NTNG1: variants seen among roughly 807,000 people sequenced by gnomAD.
NTNG1 encodes the protein netrin G1, also known as netrin-G1.
In NTNG1, 16 loss-of-function variants were observed where a neutral mutation model predicts 54.0. That is an observed-to-expected ratio of 0.30 (90% CI 0.20 to 0.45). The LOEUF (loss-of-function observed/expected upper bound fraction) is 0.45, where lower values mean the gene tolerates loss of function less well. Among genes scored for constraint, NTNG1 ranks in the 20% least tolerant of loss-of-function variants. NTNG1 has a pLI of 1.00. For missense variants in NTNG1, 530 were observed against 678.7 expected (o/e 0.78, Z 2.43); for synonymous variants, 255 against 263.1 (o/e 0.97, Z 0.30).
intron 3 of NTNG1, among the ~76,000 whole-genome samples, chr1:107,368,179 C>A (rs868782159): frequency 4.6e-5 from 7 of 152,120 alleles, no homozygotes; most frequent in Non-Finnish European, 5.9e-5. Flanking sequence ...ATCCTTATTA[C>A]CTCTGGTTCC....
At chr1:107,418,530 T>C in intron 5 of NTNG1, 3 of 1,324,666 alleles carry the variant, frequency 2.3e-6, no homozygotes, top group Non-Finnish European at 3.2e-6. Context: ...TTAGACCAAA[T>C]GACATTATAG....
chr1:107,480,589 TA>T, intron 7 of NTNG1, 21 bp from the exon 8 acceptor site: 1 of 202,792 alleles, frequency 4.9e-6, no homozygotes, highest in Non-Finnish European at 9.4e-6. Context: ...CACCCACCCC[TA>T]CCTTCCCCCT....
At chr1:107,282,697 G>A (rs191190786) in intron 2 of NTNG1, among the ~76,000 whole-genome samples, 19 of 152,196 alleles carry the variant, frequency 1.2e-4, no homozygotes, top group Non-Finnish European at 1.5e-5. Context: ...AGATCCCAAC[G>A]ATTATATTAT....
intron 4 of NTNG1, among the ~76,000 whole-genome samples, chr1:107,397,544 G>T (rs1672756030): frequency 6.6e-6 from 1 of 152,144 alleles, no homozygotes; most frequent in Non-Finnish European, 1.5e-5. Flanking sequence ...TCTAATGCGA[G>T]GATAATAACA....
chr1:107,431,153 C>G (rs1277603000), intron 6 of NTNG1, among the ~76,000 whole-genome samples: 1 of 152,066 alleles, frequency 6.6e-6, no homozygotes, highest in East Asian at 1.9e-4. Flanking sequence ...TCTCAGAAAT[C>G]ATGTTAAAGA....
chr1:107,402,003 A>G (rs1287679174), intron 4 of NTNG1, among the ~76,000 whole-genome samples: 1 of 152,046 alleles, frequency 6.6e-6, no homozygotes, highest in African/African-American at 2.4e-5. Context: ...TGCTACAGTC[A>G]TTATCTTTTC....
At chr1:107,170,778 T>A (rs950297843) in intron 2 of NTNG1, among the ~76,000 whole-genome samples, 2 of 152,130 alleles carry the variant, frequency 1.3e-5, no homozygotes, top group Non-Finnish European at 2.9e-5. Context: ...CAAAAACACA[T>A]TATAATTTAT....
rs114236581 is a variant in NTNG1 at position 107,194,554 on chromosome 1, T to C, written c.246+45715T>C. On this transcript the variant is annotated intron_variant, in intron 2 of 7. Coordinates refer to ENST00000370068, the MANE Select transcript of NTNG1 (RefSeq NM_001113226.3). ...GACAGCCCCAGTTACTGGTCACATATGCAAACTGACATCTGTATCCAAGAA... is the reference window on the plus strand; with the variant it reads ...GACAGCCCCAGTTACTGGTCACATACGCAAACTGACATCTGTATCCAAGAA... Among the ~76,000 whole-genome samples the C allele has an allele frequency of 4.5e-3, 689 of 152,132 alleles. 1 individual carries two copies. The highest frequency in any genetic ancestry group is 0.016 in the African/African-American group (655 of 41,532).
At chr1:107,476,907 T>C (rs1026834668) in intron 7 of NTNG1, among the ~76,000 whole-genome samples, 1 of 152,206 alleles carries the variant, frequency 6.6e-6, no homozygotes, top group Non-Finnish European at 1.5e-5. Context: ...TGTCTTTCAG[T>C]TGGGCTTCAG....
chr1:107,244,501 A>G (rs1199202317), intron 2 of NTNG1, among the ~76,000 whole-genome samples: 2 of 152,228 alleles, frequency 1.3e-5, no homozygotes, highest in Non-Finnish European at 2.9e-5. Flanking sequence ...TTTATTCCCT[A>G]ATAGACACTG....
At chr1:107,372,504 T>G (rs1431327494) in intron 3 of NTNG1, among the ~76,000 whole-genome samples, 3 of 152,116 alleles carry the variant, frequency 2.0e-5, no homozygotes. Flanking sequence ...GAATTTTCAG[T>G]GTAGTTTCAT....
At chr1:107,322,243 A>C (rs548847986) in intron 2 of NTNG1, among the ~76,000 whole-genome samples, 2 of 152,202 alleles carry the variant, frequency 1.3e-5, no homozygotes, top group South Asian at 4.1e-4. Context: ...GTTATCTTTC[A>C]ACACAACTTA....
intron 2 of NTNG1, among the ~76,000 whole-genome samples, chr1:107,212,464 G>A (rs981745942): frequency 1.3e-5 from 2 of 152,094 alleles, no homozygotes; most frequent in African/African-American, 4.8e-5. Flanking sequence ...TTGAAAGTAG[G>A]ACTCAAATCC....
In NTNG1 at chr1:107,166,684, G is replaced by T. The variant is rs919427411; in HGVS notation, c.246+17845G>T. ...CTTATTCAAACTTTCTGGGTTTCAG[G>T]GAGTTTTTAATTTTTTTTTTATGAA... is the stretch of plus-strand genomic sequence containing the variant. On this transcript the variant is annotated intron_variant, in intron 2 of 7. Transcript: ENST00000370068. Among the ~76,000 whole-genome samples the T allele has an allele frequency of 2.0e-5, 3 of 151,902 alleles. No individual in the cohort carries two copies. In the South Asian group the frequency reaches 6.2e-4, roughly 32 times the overall value.
intron 7 of NTNG1, among the ~76,000 whole-genome samples, chr1:107,455,004 G>C (rs1676852382): frequency 6.6e-6 from 1 of 152,086 alleles, no homozygotes; most frequent in African/African-American, 2.4e-5. Flanking sequence ...AAGCCTTGTA[G>C]GGAAGCAGAG....
At chr1:107,214,930 T>C (rs4596928) in intron 2 of NTNG1, among the ~76,000 whole-genome samples, 149,291 of 152,100 alleles carry the variant, frequency 0.98, 73,331 homozygotes, top group East Asian at 1. Flanking sequence ...TGTATATATT[T>C]TTTTGATAAT....
intron 2 of NTNG1, among the ~76,000 whole-genome samples, chr1:107,265,618 A>G (rs1288383679): frequency 2.6e-5 from 4 of 152,186 alleles, no homozygotes; most frequent in Non-Finnish European, 5.9e-5. Context: ...ACCCTTAGTT[A>G]TTTTGAAATC....
At chr1:107,297,263 A>T (rs1666040273) in intron 2 of NTNG1, among the ~76,000 whole-genome samples, 1 of 147,320 alleles carries the variant, frequency 6.8e-6, no homozygotes, top group African/African-American at 2.5e-5. Context: ...ACACACACAC[A>T]CACAGCAGTT....
intron 3 of NTNG1, among the ~76,000 whole-genome samples, chr1:107,370,240 TAAA>T (rs35235511): frequency 5.6e-5 from 7 of 125,616 alleles, no homozygotes; most frequent in African/African-American, 1.7e-4. Context: ...GTCAATTTCT[TAAA>T]AAAAAAAAAA....
Sources: allele counts gnomAD v4.1 joint callset (sites outside exome capture counted in the v4.1 genomes callset), GRCh38; gene constraint gnomAD v4.1.1; transcripts MANE v1.5; gene names NCBI Gene and HGNC (gene_info 2026-07-23, HGNC 2026-07-21).